CELSR1: variants seen among roughly 807,000 people sequenced by gnomAD.
CELSR1 encodes the protein adhesion G protein-coupled receptor C1.
CELSR1 carries 110 observed loss-of-function variants against 249.1 expected under a neutral mutation model. The observed-to-expected ratio is 0.44, with a 90% CI of 0.38 to 0.52. The LOEUF (loss-of-function observed/expected upper bound fraction) is 0.52, where lower values mean the gene tolerates loss of function less well. Ranked by LOEUF, CELSR1 falls within the 20% of genes least tolerant of loss-of-function variation. The probability of loss-of-function intolerance (pLI) is 0.00; values close to 1 mark genes in which losing one functional copy is unlikely to be tolerated. For missense variants in CELSR1, 4,109 were observed against 4,296.4 expected (o/e 0.96, Z 1.22); for synonymous variants, 2,113 against 1,900.0 (o/e 1.11, Z -2.92).
intron 5 of CELSR1, among the ~76,000 whole-genome samples, chr22:46,414,574 A>G (rs6008809): frequency 0.1 from 10,177 of 101,970 alleles, 305 homozygotes; most frequent in African/African-American, 0.27. Context: ...TGGGTTAAAC[A>G]CGCAGGCTAA....
chr22:46,462,214 C>T (rs917548280), intron 2 of CELSR1, among the ~76,000 whole-genome samples: 1 of 152,212 alleles, frequency 6.6e-6, no homozygotes, highest in African/African-American at 2.4e-5. Flanking sequence ...CCAGACGGCA[C>T]CAACAGACAG....
rs2078981023 is a variant in CELSR1 at position 46,381,871 on chromosome 22, A to G, written c.7063T>C (p.Tyr2355His). 6.4e-7 allele frequency: 1 copy of G among 1,567,452 alleles called. No individual in the cohort carries two copies. The highest frequency in any genetic ancestry group is 8.6e-7 in the Non-Finnish European group (1 of 1,159,428). ...CGGAGGCTGCGACGGTCGGGGTCGTAGCGCTCGGGCAGGAGCTGCCCCAGG... is the reference window on the plus strand; with the variant it reads ...CGGAGGCTGCGACGGTCGGGGTCGTGGCGCTCGGGCAGGAGCTGCCCCAGG... ...RTLGQLLPER[Y>H]DPDRRSLRLP... Residue 2355 changes from tyrosine (Y) to histidine (H), a missense_variant, in exon 21 of 35, where the codon TAC (tyrosine) becomes CAC (histidine). Tyr to His is a moderately conservative substitution (Grantham distance 83). Coordinates refer to ENST00000674500, the MANE Select transcript of CELSR1 (RefSeq NM_001378328.1). The surrounding 1 kb of genome is among the most constrained non-coding windows in gnomAD (Gnocchi z 6.0).
chr22:46,462,603 T>C (rs1013322831), intron 2 of CELSR1, among the ~76,000 whole-genome samples: 34 of 149,930 alleles, frequency 2.3e-4, no homozygotes, highest in Non-Finnish European at 3.8e-4. Flanking sequence ...CTCAAAGTTA[T>C]CTCCGGTATG....
Position 46,364,592 on chromosome 22 carries a change from T to C in CELSR1, c.8699A>G (p.His2900Arg). ...CTGGTCCGGGGGGTACTCTCCACGG[T>C]GACTGCCCTGCTCCTCGCGGTGCAG... Reference protein sequence around the residue: ...VELHREEQGSHRGEYPPDQES... With the variant: ...VELHREEQGSRRGEYPPDQES... The change falls in exon 33 of 35, where the codon CAC (histidine) becomes CGC (arginine). Residue 2900 changes from histidine to arginine, a missense_variant. Physicochemically the swap from His to Arg is conservative, Grantham distance 29. Around this residue, in one of 7 missense-constraint regions of CELSR1, gnomAD observed 1,805 missense variants for 1,831.6 expected, o/e 0.99. Transcript: ENST00000674500. 6.2e-7 allele frequency: 1 copy of C among 1,612,660 alleles called. No individual in the cohort carries two copies. The highest frequency in any genetic ancestry group is 8.5e-7 in the Non-Finnish European group (1 of 1,179,898).
chr22:46,416,100 T>TTCGCGGGG (rs148248242), intron 5 of CELSR1, among the ~76,000 whole-genome samples: 1 of 129,554 alleles, frequency 7.7e-6, no homozygotes, highest in Non-Finnish European at 1.7e-5. Context: ...TGGTACAGGT[T>TTCGCGGGG]GCAGAGGGGG....
intron 9 of CELSR1, among the ~76,000 whole-genome samples, chr22:46,404,318 A>G (rs2079240993): frequency 6.6e-6 from 1 of 152,106 alleles, no homozygotes; most frequent in African/African-American, 2.4e-5. Flanking sequence ...AGGCTGAGGT[A>G]GGAGAATCCC....
chr22:46,400,141 C>A (rs1476785983), intron 9 of CELSR1, among the ~76,000 whole-genome samples: 1 of 151,902 alleles, frequency 6.6e-6, no homozygotes, highest in African/African-American at 2.4e-5. Flanking sequence ...ACCAGCCTGG[C>A]CAACATGGTG....
rs1246074730 is a variant in CELSR1 at position 46,436,371 on chromosome 22, G to A, written c.4407-82C>T. ...CCTAGGAATGACAAGTCCAGCCGGA[G>A]GAGGGCAAGCACGTGGGGCTACGAT... On this transcript the variant is annotated intron_variant, in intron 3 of 34. Transcript: ENST00000674500. This position sits in a 1 kb window ranked among gnomAD's most constrained non-coding sequence, Gnocchi z 5.9. The A allele has an allele frequency of 5.0e-6, 5 of 996,012 alleles. No individual in the cohort carries two copies. In the African/African-American group the frequency reaches 6.4e-5, roughly 13 times the overall value. 61.7% of individuals were successfully genotyped at this position (996,012 alleles called of 1,614,324 possible).
intron 1 of CELSR1, among the ~76,000 whole-genome samples, chr22:46,467,374 G>C (rs1043210291): frequency 6.6e-6 from 1 of 152,142 alleles, no homozygotes; most frequent in East Asian, 1.9e-4. Context: ...AACCCAATTA[G>C]AGAAGCCACA....
rs1021361366 is a variant in CELSR1 at position 46,526,359 on chromosome 22, G to C, written c.3544+7268C>G. On this transcript the variant is annotated intron_variant, in intron 1 of 34. Transcript: ENST00000674500. This position sits in a 1 kb window ranked among gnomAD's most constrained non-coding sequence, Gnocchi z 4.7. ...CTAGGCTGCAGGACAGCTAGGTGCT[G>C]TGCGTAACCCGCCAACTCTGCTGGG... Among the ~76,000 whole-genome samples the C allele has an allele frequency of 3.3e-5, 5 of 152,344 alleles. No individual in the cohort carries two copies. The highest frequency in any genetic ancestry group is 1.2e-4 in the African/African-American group (5 of 41,584).
intron 1 of CELSR1, among the ~76,000 whole-genome samples, chr22:46,520,448 G>T (rs900764708): frequency 2.0e-5 from 3 of 152,066 alleles, no homozygotes; most frequent in African/African-American, 7.2e-5. Flanking sequence ...ACATAATACG[G>T]ATCTTAACAT....
chr22:46,479,339 G>A (rs562794928), intron 1 of CELSR1, among the ~76,000 whole-genome samples: 1 of 152,102 alleles, frequency 6.6e-6, no homozygotes, highest in South Asian at 2.1e-4. Flanking sequence ...TCCTACCCCC[G>A]AGCCCGAAGG....
chr22:46,531,457 C>A (rs1448738577), intron 1 of CELSR1, among the ~76,000 whole-genome samples: 1 of 152,170 alleles, frequency 6.6e-6, no homozygotes, highest in African/African-American at 2.4e-5. Flanking sequence ...CCACCTGCCT[C>A]GGCCTCCCAC....
intron 9 of CELSR1, among the ~76,000 whole-genome samples, chr22:46,403,701 G>A (rs574645016): frequency 3.3e-5 from 5 of 152,266 alleles, no homozygotes; most frequent in African/African-American, 4.8e-5. Context: ...GGCCAGGCAC[G>A]GTGGCTCACA....
chr22:46,446,842 T>C lies in CELSR1; in HGVS notation c.4184-7431A>G, dbSNP rs1382382935. Reference sequence around the variant, plus strand: ...TTTTCTTTTTTTTAATAAAGGACCATGAGAACCAAGAGCAACTGGGTTCTG... The same window carrying C: ...TTTTCTTTTTTTTAATAAAGGACCACGAGAACCAAGAGCAACTGGGTTCTG... On this transcript the variant is annotated intron_variant, in intron 2 of 34. Coordinates refer to ENST00000674500, the MANE Select transcript of CELSR1 (RefSeq NM_001378328.1). This position sits in a 1 kb window ranked among gnomAD's most constrained non-coding sequence, Gnocchi z 5.5. Among the ~76,000 whole-genome samples, 1 of 152,096 alleles carries C rather than the reference T, an allele frequency of 6.6e-6. No individual in the cohort carries two copies. Among genetic ancestry groups the C allele is most frequent in the Non-Finnish European group, 1.5e-5 (1 of 68,018 alleles).
chr22:46,481,578 C>G, intron 1 of CELSR1: 4 of 842,362 alleles, frequency 4.7e-6, no homozygotes, highest in South Asian at 4.4e-5. Flanking sequence ...CATGGTGGCA[C>G]TCGATGCACT....
chr22:46,410,684 A>C lies in CELSR1; in HGVS notation c.4770-123T>G. ...TAACTACTTCAGAAACCAAGCAGACAGGCGGGGAGAGGCCAAAGTCAGAGG... is the reference window on the plus strand; with the variant it reads ...TAACTACTTCAGAAACCAAGCAGACCGGCGGGGAGAGGCCAAAGTCAGAGG... On this transcript the variant is annotated intron_variant, in intron 6 of 34. Transcript: ENST00000674500. The surrounding 1 kb of genome is among the most constrained non-coding windows in gnomAD (Gnocchi z 6.8). The C allele has an allele frequency of 1.1e-6, 1 of 911,716 alleles. No homozygotes were observed. The highest frequency in any genetic ancestry group is 1.6e-6 in the Non-Finnish European group (1 of 609,250). 56.5% of individuals were successfully genotyped at this position (911,716 alleles called of 1,614,324 possible).
Position 46,537,324 on chromosome 22 carries a change from G to A in CELSR1, c.-154C>T, listed in dbSNP as rs949318345. The stretch of plus-strand genomic sequence containing the variant: ...CTCCCCGGGGGCCCTGGCGGGGACT[G>A]TGGGGACCACGCGCCCGGCCTCCCC... On this transcript the variant is annotated 5_prime_UTR_variant, in exon 1 of 35. Transcript: ENST00000674500. This position sits in a 1 kb window ranked among gnomAD's most constrained non-coding sequence, Gnocchi z 5.8. 6.7e-6 allele frequency among the ~76,000 whole-genome samples: 1 copy of A among 148,944 alleles called. No individual in the cohort carries two copies. The highest frequency in any genetic ancestry group is 1.5e-5 in the Non-Finnish European group (1 of 66,688).
In CELSR1 at chr22:46,512,915, C is replaced by A. The variant is rs1027440395; in HGVS notation, c.3544+20712G>T. ...TCCTGAGTGCTGCCCCGGGTGGCCC[C>A]GCATGGCAGGCGACGTCCTCCTCCA... On this transcript the variant is annotated intron_variant, in intron 1 of 34. Transcript: ENST00000674500. This position sits in a 1 kb window ranked among gnomAD's most constrained non-coding sequence, Gnocchi z 5.2. Among the ~76,000 whole-genome samples the A allele has an allele frequency of 6.6e-6, 1 of 152,210 alleles. No homozygotes were observed. Among genetic ancestry groups the A allele is most frequent in the Non-Finnish European group, 1.5e-5 (1 of 68,038 alleles).
Sources: allele counts gnomAD v4.1 joint callset (sites outside exome capture counted in the v4.1 genomes callset), GRCh38; gene constraint gnomAD v4.1.1; regional missense constraint gnomAD v4.1.1; non-coding constraint Gnocchi (gnomAD v3.1); transcripts MANE v1.5; gene names NCBI Gene and HGNC (gene_info 2026-07-23, HGNC 2026-07-21).